The following ICMT variants were observed in gnomAD, a reference collection of about 807,000 sequenced individuals.
ICMT encodes the protein protein-S-isoprenylcysteine O-methyltransferase.
ICMT carries 10 observed loss-of-function variants against 32.2 expected under a neutral mutation model. That is an observed-to-expected ratio of 0.31 (90% CI 0.19 to 0.53). ICMT has a LOEUF of 0.53. ICMT is among the 20% of genes least tolerant of loss of function. ICMT has a pLI of 0.96. For synonymous variants in ICMT, 183 were observed against 158.2 expected, an observed-to-expected ratio of 1.16 and a Z score of -1.18; for missense variants, 265 against 356.9, an observed-to-expected ratio of 0.74 and a Z score of 2.07.
intron 1 of ICMT, among the ~76,000 whole-genome samples, chr1:6,235,474 G>T (rs1459607214): frequency 1.3e-5 from 2 of 152,112 alleles, no homozygotes; most frequent in East Asian, 3.9e-4. Context: ...GCACTCGCGG[G>T]CTCGCTCACT....
chr1:6,227,897 G>A (rs956836796), intron 4 of ICMT, among the ~76,000 whole-genome samples: 5 of 151,934 alleles, frequency 3.3e-5, no homozygotes, highest in Admixed American at 2.6e-4. Context: ...GTTGGGCATG[G>A]TGGATCATGC....
chr1:6,222,254 C>G lies in ICMT; in HGVS notation c.*2826G>C, dbSNP rs776139685. Reference sequence around the variant, plus strand: ...TGGCCATCATGGTGAAACCCCGTCTCTACTAAAAATACAAAAAAATTAGCT... The same window carrying G: ...TGGCCATCATGGTGAAACCCCGTCTGTACTAAAAATACAAAAAAATTAGCT... On this transcript the variant is annotated 3_prime_UTR_variant, in exon 5 of 5. Coordinates refer to ENST00000343813, the MANE Select transcript of ICMT (RefSeq NM_012405.4). 1 of 152,206 alleles carries G rather than the reference C, an allele frequency of 6.6e-6. No individual in the cohort carries two copies. The highest frequency in any genetic ancestry group is 1.5e-5 in the Non-Finnish European group (1 of 68,090). 9.4% of individuals were successfully genotyped at this position (152,206 alleles called of 1,614,324 possible). A position where few individuals can be genotyped will look rare whatever the true frequency, so the allele number is the denominator to read the frequency against.
chr1:6,223,318 A>T lies in ICMT; in HGVS notation c.*1762T>A, dbSNP rs575942751. ...GAGACGGGGTTTTATCATGTTGGCC[A>T]GGCTGGTCTCGAACGCCTGACCTCA... On this transcript the variant is annotated 3_prime_UTR_variant, in exon 5 of 5. Transcript: ENST00000343813. 6.6e-6 allele frequency: 1 copy of T among 152,208 alleles called. No individual in the cohort carries two copies. Among genetic ancestry groups the T allele is most frequent in the Non-Finnish European group, 1.5e-5 (1 of 68,046 alleles). The allele number at this position is 152,208 out of a possible 1,614,324, so 9.4% of individuals were successfully genotyped here. A position where few individuals can be genotyped will look rare whatever the true frequency, so the allele number is the denominator to read the frequency against.
In ICMT at chr1:6,223,032, C is replaced by G. The variant is rs1466226004; in HGVS notation, c.*2048G>C. 6.6e-6 allele frequency: 1 copy of G among 152,218 alleles called. No individual in the cohort carries two copies. The highest frequency in any genetic ancestry group is 1.5e-5 in the Non-Finnish European group (1 of 68,042). The allele number at this position is 152,218 out of a possible 1,614,324, so 9.4% of individuals were successfully genotyped here. A position where few individuals can be genotyped will look rare whatever the true frequency, so the allele number is the denominator to read the frequency against. ...CTCCAGAAAAATTGTAATGATGGCT[C>G]GGCCACCGCCTTGGCTAGAGTCCCA... On this transcript the variant is annotated 3_prime_UTR_variant, in exon 5 of 5. Coordinates refer to ENST00000343813, the MANE Select transcript of ICMT (RefSeq NM_012405.4).
rs541157009 is a variant in ICMT, at chr1:6,222,482, T to C, written c.*2598A>G. The C allele has an allele frequency of 3.3e-5, 5 of 152,370 alleles. No individual in the cohort carries two copies. The East Asian group carries it at 7.7e-4, about 23-fold the overall frequency. The allele number at this position is 152,370 out of a possible 1,614,324, so 9.4% of individuals were successfully genotyped here. ...TTATCCCTAAGTAATTGCTGACTTC[T>C]GCTCTGGGATTATAAACAGGGTGGG... On this transcript the variant is annotated 3_prime_UTR_variant, in exon 5 of 5. Coordinates refer to ENST00000343813, the MANE Select transcript of ICMT (RefSeq NM_012405.4).
At chr1:6,228,397 C>T (rs1249984964) in intron 4 of ICMT, among the ~76,000 whole-genome samples, 4 of 150,694 alleles carry the variant, frequency 2.7e-5, no homozygotes, top group East Asian at 3.9e-4. Flanking sequence ...GGCTGGAGTA[C>T]GGTGGCGCGA....
rs201009577 is a variant in ICMT, at chr1:6,232,130, G to A, written c.455-11C>T. 965 of 1,606,948 alleles carry A rather than the reference G, an allele frequency of 6.0e-4. 6 individuals are homozygous for A. The highest frequency in any genetic ancestry group is 5.3e-3 in the South Asian group (480 of 90,700). On this transcript the variant is annotated splice_polypyrimidine_tract_variant and intron_variant, in intron 3 of 4. Transcript: ENST00000343813. Reference sequence around the variant, plus strand: ...TAATCTGCTTCAGTTCTGTGGGAGAGAGACATCAACGACACACGGGGAGTG... The same window carrying A: ...TAATCTGCTTCAGTTCTGTGGGAGAAAGACATCAACGACACACGGGGAGTG...
chr1:6,230,510 CAGG>C (rs1668716575), intron 4 of ICMT, among the ~76,000 whole-genome samples: 1 of 148,564 alleles, frequency 6.7e-6, no homozygotes, highest in East Asian at 2.0e-4. Flanking sequence ...CACTTGAGCT[CAGG>C]AGGTCAAGGC....
At chr1:6,231,362 T>A (rs1361918396) in intron 4 of ICMT, among the ~76,000 whole-genome samples, 1 of 151,986 alleles carries the variant, frequency 6.6e-6, no homozygotes, top group Non-Finnish European at 1.5e-5. Flanking sequence ...CTAAGCCCCA[T>A]CTCTGTCCTC....
chr1:6,234,676 T>G (rs1668789703), intron 2 of ICMT, among the ~76,000 whole-genome samples: 1 of 152,084 alleles, frequency 6.6e-6, no homozygotes, highest in Non-Finnish European at 1.5e-5. Context: ...GGGAGATCTG[T>G]TTCTGCCTGA....
At chr1:6,234,099 A>C (rs1668778257) in intron 2 of ICMT, among the ~76,000 whole-genome samples, 2 of 150,688 alleles carry the variant, frequency 1.3e-5, no homozygotes, top group African/African-American at 2.4e-5. Context: ...CTGGTCTTGA[A>C]CTCCTGACCT....
intron 4 of ICMT, 66 bp from the exon 5 acceptor site, chr1:6,225,328 G>C: frequency 1.6e-5 from 23 of 1,473,958 alleles, no homozygotes; most frequent in Non-Finnish European, 2.1e-5. Flanking sequence ...TTTGGTAGGC[G>C]TCTGTCTCTA....
chr1:6,234,226 C>G (rs1005944661), intron 2 of ICMT, among the ~76,000 whole-genome samples: 18 of 152,148 alleles, frequency 1.2e-4, no homozygotes, highest in African/African-American at 4.1e-4. Flanking sequence ...GTCACAGAGG[C>G]ATTATGGGCC....
chr1:6,228,261 G>A (rs764396956), intron 4 of ICMT, among the ~76,000 whole-genome samples: 1 of 151,460 alleles, frequency 6.6e-6, no homozygotes, highest in Non-Finnish European at 1.5e-5. Context: ...GGGACTACAG[G>A]TGCACACTAC....
chr1:6,227,175 T>G (rs1455731649), intron 4 of ICMT, among the ~76,000 whole-genome samples: 1 of 152,164 alleles, frequency 6.6e-6, no homozygotes, highest in Non-Finnish European at 1.5e-5. Flanking sequence ...TGGAGCACAA[T>G]GTAAAAAAAA....
At chr1:6,227,947 T>TG (rs1398233247) in intron 4 of ICMT, among the ~76,000 whole-genome samples, 1 of 151,996 alleles carries the variant, frequency 6.6e-6, no homozygotes, top group Non-Finnish European at 1.5e-5. Context: ...GTGAGAGGAC[T>TG]GCTTGAGCCC....
At chr1:6,230,749 T>G (rs1051392532) in intron 4 of ICMT, among the ~76,000 whole-genome samples, 2 of 149,748 alleles carry the variant, frequency 1.3e-5, no homozygotes, top group African/African-American at 4.9e-5. Flanking sequence ...ATTAGCCGGG[T>G]GTGGTGGCGG....
At chr1:6,233,266 A>C (rs1178983157) in intron 3 of ICMT, among the ~76,000 whole-genome samples, 1 of 152,300 alleles carries the variant, frequency 6.6e-6, no homozygotes, top group Non-Finnish European at 1.5e-5. Flanking sequence ...CAAACTTTAA[A>C]GCAAAAGGTC....
At chr1:6,228,862 A>T (rs1025161628) in intron 4 of ICMT, among the ~76,000 whole-genome samples, 8 of 151,340 alleles carry the variant, frequency 5.3e-5, no homozygotes, top group Admixed American at 2.6e-4. Context: ...CCCCTACTAA[A>T]CCTACTAAAA....
Sources: allele counts gnomAD v4.1 joint callset (sites outside exome capture counted in the v4.1 genomes callset), GRCh38; gene constraint gnomAD v4.1.1; transcripts MANE v1.5; gene names NCBI Gene and HGNC (gene_info 2026-07-23, HGNC 2026-07-21).